The following CUL5 variants were observed in gnomAD, a reference collection of about 807,000 sequenced individuals.
The protein encoded by CUL5 is cullin-5.
In CUL5, 26 loss-of-function variants were observed where a neutral mutation model predicts 108.8. The ratio of observed to expected loss-of-function variants is 0.24; its 90% CI spans 0.18 to 0.33. CUL5 has a LOEUF of 0.33. Ranked by LOEUF, CUL5 falls within the 10% of genes least tolerant of loss-of-function variation. CUL5 has a pLI of 1.00. For synonymous variants in CUL5, 334 were observed against 298.0 expected, an observed-to-expected ratio of 1.12 and a Z score of -1.25; for missense variants, 524 against 909.2, an observed-to-expected ratio of 0.58 and a Z score of 5.45.
At chr11:108,072,692 A>G (rs1863855289) in intron 9 of CUL5, among the ~76,000 whole-genome samples, 1 of 152,164 alleles carries the variant, frequency 6.6e-6, no homozygotes, top group Admixed American at 6.5e-5. Flanking sequence ...AAGATAGAAG[A>G]GATTTTTTAT....
At chr11:108,086,886 G>T (rs1346562845) in intron 11 of CUL5, among the ~76,000 whole-genome samples, 1 of 152,114 alleles carries the variant, frequency 6.6e-6, no homozygotes, top group Non-Finnish European at 1.5e-5. Flanking sequence ...TAATGAGTTA[G>T]GTATCAGATC....
At chr11:108,020,553 T>C (rs1862304373) in intron 1 of CUL5, among the ~76,000 whole-genome samples, 1 of 152,150 alleles carries the variant, frequency 6.6e-6, no homozygotes, top group Non-Finnish European at 1.5e-5. Context: ...TTTTTTGTTT[T>C]TTGTTTAAAA....
chr11:108,097,008 C>A (rs1407909241), intron 16 of CUL5, among the ~76,000 whole-genome samples: 1 of 152,046 alleles, frequency 6.6e-6, no homozygotes, highest in Non-Finnish European at 1.5e-5. Context: ...ACTCCATAGA[C>A]CTCTTAAAAG....
intron 7 of CUL5, among the ~76,000 whole-genome samples, chr11:108,069,066 G>A (rs1863759829): frequency 6.6e-6 from 1 of 152,116 alleles, no homozygotes; most frequent in South Asian, 2.1e-4. Context: ...ACCAGCCTGG[G>A]GAACATAGCA....
intron 13 of CUL5, among the ~76,000 whole-genome samples, chr11:108,092,608 G>A (rs563086049): frequency 1.6e-4 from 25 of 152,214 alleles, no homozygotes; most frequent in African/African-American, 5.5e-4. Flanking sequence ...AGACCATATC[G>A]TATGATTCCA....
At chr11:108,029,109 C>T (rs1490301326) in intron 1 of CUL5, among the ~76,000 whole-genome samples, 1 of 152,180 alleles carries the variant, frequency 6.6e-6, no homozygotes. Context: ...GGTATTCCCC[C>T]ATTGTCAACT....
At chr11:108,098,048 G>A (rs1864542631) in intron 17 of CUL5, among the ~76,000 whole-genome samples, 2 of 151,868 alleles carry the variant, frequency 1.3e-5, no homozygotes, top group African/African-American at 4.8e-5. Context: ...TTTTTGTGTT[G>A]TTTTGTTTCG....
rs768335630 is a variant in CUL5, at chr11:108,104,385, T to C, written c.*1T>C. 2.0e-6 allele frequency: 3 copies of C among 1,524,708 alleles called. No homozygotes were observed. The highest frequency in any genetic ancestry group is 2.6e-6 in the Non-Finnish European group (3 of 1,140,920). The allele number at this position is 1,524,708 out of a possible 1,614,324, so 94.4% of individuals were successfully genotyped here. On this transcript the variant is annotated 3_prime_UTR_variant, in exon 19 of 19. Coordinates refer to ENST00000393094, the MANE Select transcript of CUL5 (RefSeq NM_003478.6). ...CAACACTTTCATATATATGGCATAATTTTGAATATCATGGACAATATTTAG... is the reference window on the plus strand; with the variant it reads ...CAACACTTTCATATATATGGCATAACTTTGAATATCATGGACAATATTTAG...
chr11:108,088,815 T>G (rs547509862), intron 12 of CUL5, among the ~76,000 whole-genome samples, 156 bp downstream of exon 12: 2 of 152,294 alleles, frequency 1.3e-5, no homozygotes, highest in South Asian at 4.1e-4. Context: ...CTCGGGGGGT[T>G]ATTTTTCTTT....
chr11:108,079,860 G>T (rs1346243501), intron 11 of CUL5, among the ~76,000 whole-genome samples: 1 of 152,080 alleles, frequency 6.6e-6, no homozygotes, highest in Non-Finnish European at 1.5e-5. Context: ...TACTTCTTGT[G>T]TAAAGCTTCT....
chr11:108,020,119 G>A (rs1862292716), intron 1 of CUL5, among the ~76,000 whole-genome samples: 1 of 152,076 alleles, frequency 6.6e-6, no homozygotes, highest in African/African-American at 2.4e-5. Flanking sequence ...TACAACATTG[G>A]GGATCAAATT....
Position 108,050,101 on chromosome 11 carries a change from C to A in CUL5, c.411+35C>A, listed in dbSNP as rs1411026622. On this transcript the variant is annotated intron_variant, in intron 4 of 18. Coordinates refer to ENST00000393094, the MANE Select transcript of CUL5 (RefSeq NM_003478.6). ...TTTTTCTCCTTGTTTTCCTAATATT[C>A]TTCAGAAAGAGGGTAATTTGGAAGC... 4 of 1,504,998 alleles carry A rather than the reference C, an allele frequency of 2.7e-6. No individual in the cohort carries two copies. The South Asian group carries it at 5.3e-5, about 20-fold the overall frequency. 93.2% of individuals were successfully genotyped at this position (1,504,998 alleles called of 1,614,324 possible). A position where few individuals can be genotyped will look rare whatever the true frequency, so the allele number is the denominator to read the frequency against.
At chr11:108,079,989 AC>A (rs1363225297) in intron 11 of CUL5, among the ~76,000 whole-genome samples, 1 of 152,042 alleles carries the variant, frequency 6.6e-6, no homozygotes. Context: ...GTACCAGCTG[AC>A]CCTCATTCTC....
At chr11:108,085,958 A>G (rs1437801523) in intron 11 of CUL5, among the ~76,000 whole-genome samples, 2 of 152,228 alleles carry the variant, frequency 1.3e-5, no homozygotes, top group African/African-American at 2.4e-5. Flanking sequence ...TGGTTTGCGA[A>G]TTATATATCA....
intron 11 of CUL5, chr11:108,084,967 T>C (rs1472998555): frequency 6.6e-6 from 1 of 152,242 alleles, no homozygotes; most frequent in Non-Finnish European, 1.5e-5. Context: ...CATTTACAGA[T>C]GTAGTTGTTC....
intron 7 of CUL5, among the ~76,000 whole-genome samples, chr11:108,061,980 A>G (rs368969520): frequency 4.6e-5 from 7 of 152,324 alleles, no homozygotes; most frequent in African/African-American, 1.7e-4. Context: ...TCACAAGAAC[A>G]GCATGGGGGA....
chr11:108,023,162 T>C (rs1276805716), intron 1 of CUL5, among the ~76,000 whole-genome samples: 1 of 152,100 alleles, frequency 6.6e-6, no homozygotes, highest in Non-Finnish European at 1.5e-5. Context: ...AGAATGAGAA[T>C]CACTTGAACC....
chr11:108,058,865 C>T (rs186006317), intron 7 of CUL5, among the ~76,000 whole-genome samples: 18 of 152,224 alleles, frequency 1.2e-4, no homozygotes, highest in African/African-American at 4.3e-4. Flanking sequence ...GGGCCTATAG[C>T]AGATGAACAG....
chr11:108,079,495 G>A (rs912966724), intron 11 of CUL5, among the ~76,000 whole-genome samples: 3 of 152,076 alleles, frequency 2.0e-5, no homozygotes, highest in South Asian at 2.1e-4. Flanking sequence ...ATATACATTC[G>A]TCAGTCAACT....
Sources: allele counts gnomAD v4.1 joint callset (sites outside exome capture counted in the v4.1 genomes callset), GRCh38; gene constraint gnomAD v4.1.1; transcripts MANE v1.5; gene names NCBI Gene and HGNC (gene_info 2026-07-23, HGNC 2026-07-21).